The following TSPAN31 variants were observed in gnomAD, a reference collection of about 807,000 sequenced individuals.
TSPAN31 encodes the protein tetraspanin-31.
In TSPAN31, 16 loss-of-function variants were observed where a neutral mutation model predicts 24.8. The observed-to-expected ratio is 0.64, with a 90% CI of 0.44 to 0.98. The LOEUF (loss-of-function observed/expected upper bound fraction) is 0.98, where lower values mean the gene tolerates loss of function less well. TSPAN31 is among the 50% of genes least tolerant of loss of function. The pLI is 0.00. For missense variants in TSPAN31, 209 were observed against 251.6 expected, an observed-to-expected ratio of 0.83 and a Z score of 1.15; for synonymous variants, 87 against 91.4, an observed-to-expected ratio of 0.95 and a Z score of 0.27.
Position 57,750,000 on chromosome 12 carries a change from A to G in TSPAN31, c.*2710A>G, listed in dbSNP as rs1394763830. ...GACAGAGCAAGACTCCATCTAAAAA[A>G]AAAAAAAGCCAGTCATGGTGGCGTG... On this transcript the variant is annotated 3_prime_UTR_variant, in exon 6 of 6. Transcript: ENST00000257910. 5.8e-6 allele frequency: 1 copy of G among 171,820 alleles called. No homozygotes were observed. Among genetic ancestry groups the G allele is most frequent in the African/African-American group, 2.4e-5 (1 of 41,382 alleles). 10.6% of individuals were successfully genotyped at this position (171,820 alleles called of 1,614,324 possible). A position where few individuals can be genotyped will look rare whatever the true frequency, so the allele number is the denominator to read the frequency against.
At position 57,750,200 on chromosome 12, in the gene TSPAN31, A is replaced by AAATAAAT. The variant is rs1955219928; in HGVS notation, c.*2916_*2917insTAATAAA. 2 of 135,558 alleles carry AAATAAAT rather than the reference A, an allele frequency of 1.5e-5. No individual in the cohort carries two copies. The highest frequency in any genetic ancestry group is 3.3e-5 in the Non-Finnish European group (2 of 61,438). The allele number at this position is 135,558 out of a possible 1,614,324, so 8.4% of individuals were successfully genotyped here. A position where few individuals can be genotyped will look rare whatever the true frequency, so the allele number is the denominator to read the frequency against. On this transcript the variant is annotated 3_prime_UTR_variant, in exon 6 of 6. Coordinates refer to ENST00000257910, the MANE Select transcript of TSPAN31 (RefSeq NM_005981.5). ...ATAAATAAATAAATAAATAAATAAA[A>AAATAAAT]AATAAAGAGAATAAAGGGATATGAA...
At chr12:57,746,534 T>TG in intron 3 of TSPAN31, 55 bp from the exon 4 acceptor site, 1 of 1,610,248 alleles carries the variant, frequency 6.2e-7, no homozygotes, top group Non-Finnish European at 8.5e-7. Flanking sequence ...TTGAGGCACT[T>TG]GAACTGATAA....
intron 1 of TSPAN31, chr12:57,745,468 C>T (rs1353119789): frequency 3.4e-6 from 2 of 595,672 alleles, no homozygotes; most frequent in South Asian, 2.1e-5. Flanking sequence ...TCCTGTGAAC[C>T]TCAGTTTCTT....
Position 57,747,114 on chromosome 12 carries a change from T to C in TSPAN31, c.541T>C (p.Phe181Leu), listed in dbSNP as rs1955166034. ...GAAAATCCTAGGGGGTGTTGGACTCTTCTTTAGCTTTACAGAGGTAACATT... is the reference window on the plus strand; with the variant it reads ...GAAAATCCTAGGGGGTGTTGGACTCCTCTTTAGCTTTACAGAGGTAACATT... ...ALKILGGVGL[F>L]FSFTEILGVW... The change falls in exon 5 of 6, where the codon TTC becomes CTC. Residue 181 changes from phenylalanine (F) to leucine (L), a missense_variant. Phe to Leu is a conservative substitution (Grantham distance 22). Transcript: ENST00000257910. 6.2e-7 allele frequency: 1 copy of C among 1,614,146 alleles called. No individual in the cohort carries two copies. The highest frequency in any genetic ancestry group is 8.5e-7 in the Non-Finnish European group (1 of 1,179,976).
rs1170917807 is a variant in TSPAN31 at position 57,750,175 on chromosome 12, AT to A, written c.*2886del. ...TCTCAATAAATAAATAAATAAATAA[AT>A]AAATAAATAAATAAATAAATAAAAA... On this transcript the variant is annotated 3_prime_UTR_variant, in exon 6 of 6. Coordinates refer to ENST00000257910, the MANE Select transcript of TSPAN31 (RefSeq NM_005981.5). 2.0e-5 allele frequency: 3 copies of A among 150,218 alleles called. No individual in the cohort carries two copies. Among genetic ancestry groups the A allele is most frequent in the African/African-American group, 7.4e-5 (3 of 40,816 alleles). 9.3% of individuals were successfully genotyped at this position (150,218 alleles called of 1,614,324 possible).
chr12:57,749,116 G>T lies in TSPAN31; in HGVS notation c.*1826G>T, dbSNP rs2140382299. 6.3e-7 allele frequency: 1 copy of T among 1,596,264 alleles called. No individual in the cohort carries two copies. The highest frequency in any genetic ancestry group is 8.6e-7 in the Non-Finnish European group (1 of 1,163,816). On this transcript the variant is annotated 3_prime_UTR_variant, in exon 6 of 6. Transcript: ENST00000257910. ...CATTAACCACAGTGGCCAGGGCCCT[G>T]CATACTGCTCTATTTCTTTCCCCAG... is the stretch of plus-strand genomic sequence containing the variant.
rs1046115751 is a variant in TSPAN31 at position 57,747,499 on chromosome 12, C to T, written c.*209C>T. The T allele has an allele frequency of 3.8e-6, 2 of 532,398 alleles. No homozygotes were observed. Among genetic ancestry groups the T allele is most frequent in the Non-Finnish European group, 6.7e-6 (2 of 298,174 alleles). The allele number at this position is 532,398 out of a possible 1,614,324, so 33.0% of individuals were successfully genotyped here. ...AAGGAATAAAAGGAAAAACTTTCTT[C>T]CTCTCTCTCCAAGAGGATATGGGAA... On this transcript the variant is annotated 3_prime_UTR_variant, in exon 6 of 6. Coordinates refer to ENST00000257910, the MANE Select transcript of TSPAN31 (RefSeq NM_005981.5).
Position 57,745,847 on chromosome 12 carries a change from C to G in TSPAN31, c.166C>G (p.Leu56Val), listed in dbSNP as rs1183521792. 1 of 1,614,024 alleles carries G rather than the reference C, an allele frequency of 6.2e-7. No homozygotes were observed. The highest frequency in any genetic ancestry group is 8.5e-7 in the Non-Finnish European group (1 of 1,179,984). Residue 56 changes from leucine to valine, a missense_variant, in exon 2 of 6, where the codon CTT (leucine) becomes GTT (valine). By Grantham distance (32) the Leu-to-Val change is conservative (BLOSUM62 1). Coordinates refer to ENST00000257910, the MANE Select transcript of TSPAN31 (RefSeq NM_005981.5). ...IGGVIAVGVF[L>V]LLIAVAGLVG... ...CGGAGTCATTGCTGTGGGAGTCTTC[C>G]TTCTCCTTATTGCAGTGGCTGGACT...
intron 1 of TSPAN31, 21 bp from the exon 2 acceptor site, chr12:57,745,724 T>C (rs528122845): frequency 3.7e-6 from 6 of 1,613,798 alleles, no homozygotes; most frequent in African/African-American, 1.3e-5. Context: ...TGTTGAGATG[T>C]ATCCTGCTCT....
Position 57,747,287 on chromosome 12 carries a change from A to G in TSPAN31, c.630A>G (p.Leu210=), listed in dbSNP as rs1955168726. 3 of 1,613,944 alleles carry G rather than the reference A, an allele frequency of 1.9e-6. No homozygotes were observed. Among genetic ancestry groups the G allele is most frequent in the Non-Finnish European group, 2.5e-6 (3 of 1,179,948 alleles). ...KDPRANPSAF[L] is the part of the protein sequence containing the mutation. Reference sequence around the variant, plus strand: ...CTAGAGCCAACCCCAGTGCCTTTCTATGAGACTTTGGATCCTTCTGACTTT... The same window carrying G: ...CTAGAGCCAACCCCAGTGCCTTTCTGTGAGACTTTGGATCCTTCTGACTTT... The change falls in exon 6 of 6, where the codon CTA becomes CTG. Residue 210 remains leucine, a synonymous_variant. Transcript: ENST00000257910.
chr12:57,745,583 G>A (rs1955137210), intron 1 of TSPAN31, 162 bp from the exon 2 acceptor site: 5 of 834,876 alleles, frequency 6.0e-6, no homozygotes, highest in Admixed American at 2.9e-5. Flanking sequence ...ACCTTTGGGA[G>A]TGCCTAGGGA....
At chr12:57,746,889 G>C in intron 4 of TSPAN31, 129 bp from the exon 5 acceptor site, 1 of 1,336,368 alleles carries the variant, frequency 7.5e-7, no homozygotes, top group East Asian at 2.3e-5. Flanking sequence ...TGGGGAATTA[G>C]CCAAGTAGGA....
At position 57,749,806 on chromosome 12, in the gene TSPAN31, G is replaced by C. The variant is rs890778836; in HGVS notation, c.*2516G>C. 1 of 441,262 alleles carries C rather than the reference G, an allele frequency of 2.3e-6. No individual in the cohort carries two copies. The highest frequency in any genetic ancestry group is 4.4e-5 in the East Asian group (1 of 22,774). 27.3% of individuals were successfully genotyped at this position (441,262 alleles called of 1,614,324 possible). A position where few individuals can be genotyped will look rare whatever the true frequency, so the allele number is the denominator to read the frequency against. ...GAGGTCAAGAGATCGAGACCATCCT[G>C]GCCAACATGGTGAAACCCTGTCATT... On this transcript the variant is annotated 3_prime_UTR_variant, in exon 6 of 6. Transcript: ENST00000257910.
rs1955191082 is a variant in TSPAN31, at chr12:57,748,711, T to TTC, written c.*1422_*1423insCT. On this transcript the variant is annotated 3_prime_UTR_variant, in exon 6 of 6. Transcript: ENST00000257910. ...GGGATGAGCTTTCTTCTTTTTTCTT[T>TTC]TTTTTTTTTTTTGAGACGGAGTCTC... 1 of 735,648 alleles carries TTC rather than the reference T, an allele frequency of 1.4e-6. No homozygotes were observed. Among genetic ancestry groups the TTC allele is most frequent in the African/African-American group, 2.1e-5 (1 of 46,578 alleles). The allele number at this position is 735,648 out of a possible 1,614,324, so 45.6% of individuals were successfully genotyped here.
In TSPAN31 at chr12:57,748,946, T is replaced by TAG; in HGVS notation, c.*1657_*1658insGA. 1.7e-6 allele frequency: 1 copy of TAG among 593,408 alleles called. No homozygotes were observed. The highest frequency in any genetic ancestry group is 2.0e-5 in the South Asian group (1 of 51,200). 36.8% of individuals were successfully genotyped at this position (593,408 alleles called of 1,614,324 possible). On this transcript the variant is annotated 3_prime_UTR_variant, in exon 6 of 6. Transcript: ENST00000257910. The stretch of plus-strand genomic sequence containing the variant: ...GTCTCGAACTCCTGACCTCAGGTGA[T>TAG]ACGCCCACCTTGGCCTCCCAAAGTG...
In TSPAN31 at chr12:57,745,898, G is replaced by A. The variant is rs1955142261; in HGVS notation, c.217G>A (p.Val73Ile). 9.3e-6 allele frequency: 15 copies of A among 1,606,788 alleles called. No individual in the cohort carries two copies. The highest frequency in any genetic ancestry group is 1.3e-5 in the Non-Finnish European group (15 of 1,176,918). Residue 73 changes from valine (V) to isoleucine (I), a missense_variant, in exon 2 of 6, where the codon GTC becomes ATC. Val to Ile is a conservative substitution (Grantham distance 29, BLOSUM62 3). Coordinates refer to ENST00000257910, the MANE Select transcript of TSPAN31 (RefSeq NM_005981.5). The part of the protein sequence containing the change: ...GLVGAVNHHQ[V>I]LLFFYMIILG... The stretch of plus-strand genomic sequence containing the variant: ...GGTGGGTGCTGTCAACCACCACCAA[G>A]TCCTGCTGTTCTTTGTATCCTGACC...
intron 2 of TSPAN31, 66 bp from the exon 3 acceptor site, chr12:57,746,110 C>T: frequency 6.7e-7 from 1 of 1,493,760 alleles, no homozygotes; most frequent in Non-Finnish European, 9.3e-7. Flanking sequence ...ACAGATGAGA[C>T]CAGACAGTTA....
In TSPAN31 at chr12:57,747,899, C is replaced by T. The variant is rs774948009; in HGVS notation, c.*609C>T. 5 of 183,718 alleles carry T rather than the reference C, an allele frequency of 2.7e-5. No homozygotes were observed. The highest frequency in any genetic ancestry group is 7.1e-5 in the African/African-American group (3 of 42,188). 11.4% of individuals were successfully genotyped at this position (183,718 alleles called of 1,614,324 possible). ...CTGGGATTACAGGTGTGCACCACCACGCCTGACTAATTTTGTATTTTTAGT... is the reference window on the plus strand; with the variant it reads ...CTGGGATTACAGGTGTGCACCACCATGCCTGACTAATTTTGTATTTTTAGT... On this transcript the variant is annotated 3_prime_UTR_variant, in exon 6 of 6. Coordinates refer to ENST00000257910, the MANE Select transcript of TSPAN31 (RefSeq NM_005981.5).
At position 57,745,195 on chromosome 12, in the gene TSPAN31, G is replaced by T. The variant is rs767898914; in HGVS notation, c.41G>T (p.Cys14Phe). Residue 14 changes from cysteine (C) to phenylalanine (F), a missense_variant, in exon 1 of 6, where the codon TGC (cysteine) becomes TTC (phenylalanine). Coordinates refer to ENST00000257910, the MANE Select transcript of TSPAN31 (RefSeq NM_005981.5). ...TTTGCCTGCTCCAAGAATGCGCTTT[G>T]CGCTCTCAACGTGGTCTACATGGTG... ...GGFACSKNAL[C>F]ALNVVYMLVS... is the part of the protein sequence containing the mutation. 1.2e-6 allele frequency: 2 copies of T among 1,608,926 alleles called. No homozygotes were observed. The highest frequency in any genetic ancestry group is 1.3e-5 in the African/African-American group (1 of 74,974).
Sources: gnomAD v4.1 joint callset for allele counts on GRCh38, gnomAD v4.1.1 for gene constraint, MANE v1.5 for transcripts, NCBI Gene and HGNC (gene_info 2026-07-23, HGNC 2026-07-21) for gene names.